The following COL25A1 variants were observed in gnomAD, a reference collection of about 807,000 sequenced individuals.
COL25A1 encodes the protein collagen type XXV alpha 1 chain.
Under a neutral mutation model 128.4 loss-of-function variants are expected in COL25A1, and 103 were observed. That is an observed-to-expected ratio of 0.80 (90% CI 0.68 to 0.94). The LOEUF (loss-of-function observed/expected upper bound fraction) is 0.94. COL25A1 is among the 40% of genes least tolerant of loss of function. COL25A1 has a pLI of 0.00. For synonymous variants in COL25A1, 279 were observed against 277.2 expected, an observed-to-expected ratio of 1.01 and a Z score of -0.06; for missense variants, 745 against 840.0, an observed-to-expected ratio of 0.89 and a Z score of 1.40.
intron 3 of COL25A1, among the ~76,000 whole-genome samples, chr4:109,291,605 G>A (rs1724481340): frequency 1.3e-5 from 2 of 151,908 alleles, no homozygotes; most frequent in African/African-American, 4.8e-5. Context: ...AAAAAATCAA[G>A]TGCTTTAAGT....
intron 3 of COL25A1, among the ~76,000 whole-genome samples, chr4:109,157,634 CT>C (rs1578314415): frequency 6.6e-6 from 1 of 152,318 alleles, no homozygotes; most frequent in East Asian, 1.9e-4. Context: ...CATGTTAATA[CT>C]CTTGCTAAAG....
intron 3 of COL25A1, 89 bp from the exon 4 acceptor site, chr4:109,050,268 C>G (rs1023652051): frequency 5.1e-6 from 5 of 985,296 alleles, no homozygotes; most frequent in Non-Finnish European, 7.5e-6. Context: ...TATATTTTCT[C>G]ATTGTTTTTA....
At position 109,050,245 on chromosome 4, in the gene COL25A1, T is replaced by C. The variant is rs1395371494; in HGVS notation, c.368-66A>G. 4.8e-5 allele frequency: 57 copies of C among 1,178,044 alleles called. 1 individual carries two copies. The highest frequency in any genetic ancestry group is 5.2e-5 in the Non-Finnish European group (42 of 812,904). 73.0% of individuals were successfully genotyped at this position (1,178,044 alleles called of 1,614,324 possible). ...TTTTTCCTGGTTCCAAAATAGCTAG[T>C]AAATAATTTATATATATTTTCTCAT... On this transcript the variant is annotated intron_variant, in intron 3 of 37. Transcript: ENST00000399132.
At chr4:108,918,572 A>G (rs2125896553) in intron 12 of COL25A1, among the ~76,000 whole-genome samples, 1 of 152,370 alleles carries the variant, frequency 6.6e-6, no homozygotes, top group Non-Finnish European at 1.5e-5. Context: ...AGTAGCAGTA[A>G]CACTTGCATT....
At chr4:109,301,178 G>A (rs940646575) in intron 2 of COL25A1, among the ~76,000 whole-genome samples, 4 of 151,226 alleles carry the variant, frequency 2.6e-5, no homozygotes, top group African/African-American at 4.9e-5. Context: ...TAAATACCCC[G>A]GCACTGCATC....
At chr4:109,121,215 C>T (rs1391119928) in intron 3 of COL25A1, among the ~76,000 whole-genome samples, 1 of 152,022 alleles carries the variant, frequency 6.6e-6, no homozygotes, top group African/African-American at 2.4e-5. Flanking sequence ...CAGGAGAAAT[C>T]ATAGATAAAC....
At chr4:108,839,990 CCAGCACTTTGGGAGGCCGAGG>C (rs1294777176) in intron 31 of COL25A1, among the ~76,000 whole-genome samples, 4 of 151,860 alleles carry the variant, frequency 2.6e-5, no homozygotes, top group Non-Finnish European at 4.4e-5. Flanking sequence ...GCTTGTAATC[CCAGCACTTTGGGAGGCCGAGG>C]CGGGCGGATC....
chr4:109,021,292 AG>A (rs1212256092), intron 5 of COL25A1, among the ~76,000 whole-genome samples: 1 of 152,212 alleles, frequency 6.6e-6, no homozygotes, highest in African/African-American at 2.4e-5. Flanking sequence ...ATTGCAAGAG[AG>A]TTAGAACTTT....
chr4:108,948,563 G>A (rs1400912678), intron 8 of COL25A1, among the ~76,000 whole-genome samples: 2 of 116,900 alleles, frequency 1.7e-5, no homozygotes, highest in African/African-American at 5.3e-5. Flanking sequence ...GTCTATAAAT[G>A]ATAAGTGTAA....
intron 11 of COL25A1, among the ~76,000 whole-genome samples, chr4:108,922,301 T>C (rs1411524483): frequency 2.6e-5 from 4 of 152,220 alleles, no homozygotes; most frequent in African/African-American, 9.6e-5. Context: ...TTGTCTATGA[T>C]TCCATTTTCT....
chr4:108,984,712 C>T (rs1361473306), intron 6 of COL25A1, among the ~76,000 whole-genome samples: 1 of 152,228 alleles, frequency 6.6e-6, no homozygotes, highest in Non-Finnish European at 1.5e-5. Context: ...GCGCGCAGCC[C>T]CTGTTCCTGC....
chr4:108,969,569 G>C (rs977163605), intron 8 of COL25A1, among the ~76,000 whole-genome samples: 2 of 152,100 alleles, frequency 1.3e-5, no homozygotes, highest in African/African-American at 4.8e-5. Flanking sequence ...GCTTTTGTCC[G>C]TATTTTGGTG....
In COL25A1 at chr4:109,300,647, G is replaced by A; in HGVS notation, c.303C>T (p.Ser101=). The A allele has an allele frequency of 6.2e-7, 1 of 1,607,606 alleles. No individual in the cohort carries two copies. Residue 101 remains serine, a synonymous_variant, in exon 3 of 38, where the codon TCC becomes TCT. Coordinates refer to ENST00000399132, the MANE Select transcript of COL25A1 (RefSeq NM_198721.4). ...TTCTTATTTTAGCCATATGTTCATA[G>A]GATTTCTGTAGGAAAAGAAGAGTTA... The part of the protein sequence containing the change: ...EKVERLLAQK[S]YEHMAKIRIA...
intron 11 of COL25A1, among the ~76,000 whole-genome samples, chr4:108,928,573 AT>A (rs567989499): frequency 9.9e-5 from 15 of 151,156 alleles, no homozygotes; most frequent in Admixed American, 8.6e-4. Context: ...GACTCACTTT[AT>A]CACCCAGGCT....
At chr4:109,106,756 T>C (rs1175324207) in intron 3 of COL25A1, among the ~76,000 whole-genome samples, 1 of 144,508 alleles carries the variant, frequency 6.9e-6, no homozygotes, top group African/African-American at 2.5e-5. Context: ...CCAATATCCA[T>C]TTTAAAAAAA....
chr4:109,174,493 C>T (rs981837278), intron 3 of COL25A1, among the ~76,000 whole-genome samples: 5 of 152,208 alleles, frequency 3.3e-5, no homozygotes, highest in African/African-American at 9.6e-5. Context: ...CCAGGGAGTA[C>T]TCCACCCTCT....
At chr4:109,176,399 C>G (rs2704099) in intron 3 of COL25A1, among the ~76,000 whole-genome samples, 10,041 of 152,060 alleles carry the variant, frequency 0.066, 823 homozygotes, top group African/African-American at 0.19. Context: ...AAAAGAAAAA[C>G]AAAGCTAGAG....
chr4:109,106,739 G>A (rs1475599602), intron 3 of COL25A1, among the ~76,000 whole-genome samples: 1 of 133,470 alleles, frequency 7.5e-6, no homozygotes, highest in East Asian at 2.3e-4. Flanking sequence ...ATATGCATGT[G>A]TAATTCCCAA....
intron 3 of COL25A1, among the ~76,000 whole-genome samples, chr4:109,286,442 G>A (rs1389284161): frequency 6.6e-6 from 1 of 152,148 alleles, no homozygotes; most frequent in Non-Finnish European, 1.5e-5. Flanking sequence ...GATGCCTCCC[G>A]GTGAGAAGAT....
Sources: allele counts gnomAD v4.1 joint callset (sites outside exome capture counted in the v4.1 genomes callset), GRCh38; gene constraint gnomAD v4.1.1; transcripts MANE v1.5; gene names NCBI Gene and HGNC (gene_info 2026-07-23, HGNC 2026-07-21).